The following RXRA variants were observed in gnomAD, a reference collection of about 807,000 sequenced individuals.
RXRA encodes the protein retinoid X receptor alpha.
In RXRA, 5 loss-of-function variants were observed where a neutral mutation model predicts 44.5. The observed-to-expected ratio is 0.11, with a 90% confidence interval of 0.06 to 0.24. The LOEUF (loss-of-function observed/expected upper bound fraction) is 0.24, where lower values mean the gene tolerates loss of function less well. Among genes scored for constraint, RXRA ranks in the 10% least tolerant of loss-of-function variants. The pLI is 1.00. For missense variants in RXRA, 412 were observed against 646.5 expected (o/e 0.64, Z 3.93); for synonymous variants, 291 against 271.4 (o/e 1.07, Z -0.71).
At chr9:134,415,872 A>G (rs1588298671) in intron 4 of RXRA, among the ~76,000 whole-genome samples, 1 of 152,180 alleles carries the variant, frequency 6.6e-6, no homozygotes, top group African/African-American at 2.4e-5. Flanking sequence ...GCAGGACCCC[A>G]TGGTCGCTGT....
At chr9:134,415,298 G>T (rs1031329108) in intron 4 of RXRA, among the ~76,000 whole-genome samples, 1 of 152,192 alleles carries the variant, frequency 6.6e-6, no homozygotes, top group Non-Finnish European at 1.5e-5. Flanking sequence ...GGGACCCTGG[G>T]CCCGGGGGTG....
chr9:134,366,818 A>G lies in RXRA; in HGVS notation c.29-34814A>G, dbSNP rs1251346052. ...CTAAGGTCCACAGATGCCTGGGGAC[A>G]AGGATTAGTGTGAGCAAAGACACAG... On this transcript the variant is annotated intron_variant, in intron 1 of 9. Coordinates refer to ENST00000481739, the MANE Select transcript of RXRA (RefSeq NM_002957.6). This position sits in a 1 kb window ranked among gnomAD's most constrained non-coding sequence, Gnocchi z 5.9. 2.0e-5 allele frequency among the ~76,000 whole-genome samples: 3 copies of G among 152,228 alleles called. No individual in the cohort carries two copies. Among genetic ancestry groups the G allele is most frequent in the Non-Finnish European group, 4.4e-5 (3 of 68,040 alleles).
At chr9:134,421,335 A>T (rs1831326742) in intron 5 of RXRA, among the ~76,000 whole-genome samples, 1 of 151,898 alleles carries the variant, frequency 6.6e-6, no homozygotes, top group African/African-American at 2.4e-5. Flanking sequence ...CTTCAAACCC[A>T]GCAGTGTCTC....
chr9:134,407,180 C>T lies in RXRA; in HGVS notation c.280-969C>T, dbSNP rs1329671468. Among the ~76,000 whole-genome samples, 1 of 152,246 alleles carries T rather than the reference C, an allele frequency of 6.6e-6. No homozygotes were observed. The highest frequency in any genetic ancestry group is 1.5e-5 in the Non-Finnish European group (1 of 68,042). ...GCACCGAGGTCCATGTGAAAGGAGG[C>T]TTTGCGGTGGTTTCTGCTTTGCTTG... On this transcript the variant is annotated intron_variant, in intron 2 of 9. Coordinates refer to ENST00000481739, the MANE Select transcript of RXRA (RefSeq NM_002957.6). This position sits in a 1 kb window ranked among gnomAD's most constrained non-coding sequence, Gnocchi z 4.8.
intron 6 of RXRA, chr9:134,423,819 C>G (rs1238031284): frequency 5.1e-6 from 5 of 985,460 alleles, no homozygotes; most frequent in Non-Finnish European, 4.8e-6. Context: ...CCTGCCTGAC[C>G]CCAGTGGTCC....
intron 4 of RXRA, among the ~76,000 whole-genome samples, 195 bp downstream of exon 4, chr9:134,409,314 C>T (rs1831109749): frequency 6.6e-6 from 1 of 152,192 alleles, no homozygotes; most frequent in Non-Finnish European, 1.5e-5. Flanking sequence ...ACACATGGGT[C>T]CTGGGCGGCA....
intron 1 of RXRA, among the ~76,000 whole-genome samples, chr9:134,352,099 C>A (rs993339694): frequency 6.6e-6 from 1 of 152,090 alleles, no homozygotes; most frequent in Non-Finnish European, 1.5e-5. Context: ...CAGAGGCTGT[C>A]GAAGGCAGAG....
At chr9:134,369,536 G>A (rs992979059) in intron 1 of RXRA, among the ~76,000 whole-genome samples, 1 of 151,540 alleles carries the variant, frequency 6.6e-6, no homozygotes, top group African/African-American at 2.4e-5. Context: ...GGGGTTATGT[G>A]TGTTGGAGAT....
intron 2 of RXRA, chr9:134,402,914 G>C (rs767345733): frequency 6.6e-6 from 1 of 152,096 alleles, no homozygotes; most frequent in Non-Finnish European, 1.5e-5. Context: ...CAGCCCACCC[G>C]GGTGGGACTC....
chr9:134,339,549 G>T (rs797041270), intron 1 of RXRA, among the ~76,000 whole-genome samples: 9 of 151,250 alleles, frequency 6.0e-5, no homozygotes, highest in African/African-American at 2.2e-4. Flanking sequence ...GTGTGTGTGT[G>T]AGTCTCTGCA....
chr9:134,361,614 G>A (rs1830353265), intron 1 of RXRA, among the ~76,000 whole-genome samples: 2 of 152,218 alleles, frequency 1.3e-5, no homozygotes, highest in African/African-American at 4.8e-5. Flanking sequence ...AGTGGCCGTC[G>A]CCCGTCATTT....
intron 1 of RXRA, among the ~76,000 whole-genome samples, chr9:134,359,302 C>G (rs1374466903): frequency 1.3e-5 from 2 of 152,058 alleles, no homozygotes; most frequent in African/African-American, 4.8e-5. Context: ...GCTGCTGCCG[C>G]CGGCGGCTCT....
rs1225276910 is a variant in RXRA at position 134,366,059 on chromosome 9, G to A, written c.29-35573G>A. Among the ~76,000 whole-genome samples the A allele has an allele frequency of 6.6e-6, 1 of 152,104 alleles. No individual in the cohort carries two copies. The highest frequency in any genetic ancestry group is 1.5e-5 in the Non-Finnish European group (1 of 68,010). On this transcript the variant is annotated intron_variant, in intron 1 of 9. Coordinates refer to ENST00000481739, the MANE Select transcript of RXRA (RefSeq NM_002957.6). The surrounding 1 kb of genome is among the most constrained non-coding windows in gnomAD (Gnocchi z 5.9). ...CCACCCCTCCCTTTTTGGGAGGTGGGGCTTGGCATCTTCAGCATCTCTCGT... is the reference window on the plus strand; with the variant it reads ...CCACCCCTCCCTTTTTGGGAGGTGGAGCTTGGCATCTTCAGCATCTCTCGT...
At chr9:134,378,191 T>G (rs1830587222) in intron 1 of RXRA, among the ~76,000 whole-genome samples, 1 of 152,242 alleles carries the variant, frequency 6.6e-6, no homozygotes, top group African/African-American at 2.4e-5. Context: ...GCTCTGGAAG[T>G]GCCAGGCCAC....
chr9:134,359,704 CGTG>C (rs1160893640), intron 1 of RXRA, among the ~76,000 whole-genome samples: 1 of 152,176 alleles, frequency 6.6e-6, no homozygotes, highest in East Asian at 1.9e-4. Flanking sequence ...GCAGGGGAAG[CGTG>C]GCCCTGGAGC....
In RXRA at chr9:134,343,704, C is replaced by T. The variant is rs550866245; in HGVS notation, c.28+17045C>T. On this transcript the variant is annotated intron_variant, in intron 1 of 9. Transcript: ENST00000481739. The surrounding 1 kb of genome is among the most constrained non-coding windows in gnomAD (Gnocchi z 4.1). Reference sequence around the variant, plus strand: ...ACCGTGTGCACTTGGTGGACTGCCACGGGCCTGGGGGCCTCGGGACCAACC... The same window carrying T: ...ACCGTGTGCACTTGGTGGACTGCCATGGGCCTGGGGGCCTCGGGACCAACC... Among the ~76,000 whole-genome samples, 1 of 152,232 alleles carries T rather than the reference C, an allele frequency of 6.6e-6. No individual in the cohort carries two copies. Among genetic ancestry groups the T allele is most frequent in the East Asian group, 1.9e-4 (1 of 5,154 alleles).
intron 1 of RXRA, among the ~76,000 whole-genome samples, chr9:134,390,785 C>G (rs1034525021): frequency 6.6e-6 from 1 of 152,162 alleles, no homozygotes; most frequent in African/African-American, 2.4e-5. Flanking sequence ...GGCCCTGTCC[C>G]CCGTCTGCAG....
chr9:134,440,384 T>A lies in RXRA; in HGVS notation c.*3770T>A, dbSNP rs1343142947. 1 of 152,592 alleles carries A rather than the reference T, an allele frequency of 6.6e-6. No individual in the cohort carries two copies. The highest frequency in any genetic ancestry group is 3.2e-3 in the Middle Eastern group (1 of 316). The allele number at this position is 152,592 out of a possible 1,614,324, so 9.5% of individuals were successfully genotyped here. ...TAATTTTTAAAGCCTTGCTCTGTTG[T>A]GTCCTGTTGCCGGCTCTGGCCTTCC... On this transcript the variant is annotated 3_prime_UTR_variant, in exon 10 of 10. Coordinates refer to ENST00000481739, the MANE Select transcript of RXRA (RefSeq NM_002957.6).
intron 6 of RXRA, chr9:134,423,253 C>T: frequency 1.0e-6 from 1 of 985,456 alleles, no homozygotes; most frequent in South Asian, 4.7e-5. Flanking sequence ...GCCCTCACTG[C>T]CCGACGATGG....
Sources: gnomAD v4.1 joint callset for allele counts (sites outside exome capture counted in the v4.1 genomes callset) on GRCh38, gnomAD v4.1.1 for gene constraint, Gnocchi (gnomAD v3.1) non-coding constraint, MANE v1.5 for transcripts, NCBI Gene and HGNC (gene_info 2026-07-23, HGNC 2026-07-21) for gene names.